The following HCRTR1 variants were observed in gnomAD, a reference collection of about 807,000 sequenced individuals.
HCRTR1 encodes the protein hypocretin receptor 1.
In HCRTR1, 28 loss-of-function variants were observed where a neutral mutation model predicts 40.6. The ratio of observed to expected loss-of-function variants is 0.69; its 90% confidence interval spans 0.51 to 0.95. The LOEUF (loss-of-function observed/expected upper bound fraction) is 0.95, where lower values mean the gene tolerates loss of function less well. Among genes scored for constraint, HCRTR1 ranks in the 40% least tolerant of loss-of-function variants. The pLI, the probability that HCRTR1 is intolerant of heterozygous loss-of-function variation, is 0.00. For missense variants in HCRTR1, 482 were observed against 564.7 expected (o/e 0.85, Z 1.48); for synonymous variants, 209 against 230.0 (o/e 0.91, Z 0.83).
At position 31,625,127 on chromosome 1, in the gene HCRTR1, G is replaced by C; in HGVS notation, c.1087+9G>C. 1 of 1,595,114 alleles carries C rather than the reference G, an allele frequency of 6.3e-7. No homozygotes were observed. The highest frequency in any genetic ancestry group is 8.6e-7 in the Non-Finnish European group (1 of 1,167,418). On this transcript the variant is annotated intron_variant, in intron 8 of 8. Coordinates refer to ENST00000403528, the MANE Select transcript of HCRTR1 (RefSeq NM_001525.3). This position sits in a 1 kb window ranked among gnomAD's most constrained non-coding sequence, Gnocchi z 4.2. The stretch of plus-strand genomic sequence containing the variant: ...CTACAACTTCCTCAGTGGTGAGCAG[G>C]CTGGGGATGCAAAATGACTGAGGGT...
At chr1:31,633,026 T>G, downstream of HCRTR1, 1 of 1,106,726 alleles carries the variant, frequency 9.0e-7, no homozygotes, top group South Asian at 1.7e-5. Flanking sequence ...ACCCTGAACC[T>G]AGCTTCCTCC....
Position 31,626,744 on chromosome 1 carries a change from G to C in HCRTR1, c.1088-46G>C. 2 of 1,528,212 alleles carry C rather than the reference G, an allele frequency of 1.3e-6. No individual in the cohort carries two copies. The highest frequency in any genetic ancestry group is 1.8e-6 in the Non-Finnish European group (2 of 1,128,020). The allele number at this position is 1,528,212 out of a possible 1,614,324, so 94.7% of individuals were successfully genotyped here. On this transcript the variant is annotated intron_variant, in intron 8 of 8. Transcript: ENST00000403528. This position sits in a 1 kb window ranked among gnomAD's most constrained non-coding sequence, Gnocchi z 4.6. ...GTCCCTGGGCTCAAGGCCCCTTCCTGCTGCATCTGTCTCCTTATGGCTGTG... is the reference window on the plus strand; with the variant it reads ...GTCCCTGGGCTCAAGGCCCCTTCCTCCTGCATCTGTCTCCTTATGGCTGTG...
Position 31,623,628 on chromosome 1 carries a change from G to A in HCRTR1, c.844G>A (p.Ala282Thr), listed in dbSNP as rs202201419. The change falls in exon 7 of 9, where the codon GCC becomes ACC. Residue 282 changes from alanine to threonine, a missense_variant. Coordinates refer to ENST00000403528, the MANE Select transcript of HCRTR1 (RefSeq NM_001525.3). ...TGGAGAGCCCCAGCCCCGGGCCCGC[G>A]CCTTCCTGGCTGAAGTGAAGCAGAT... ...LSGEPQPRAR[A>T]FLAEVKQMRA... 8 of 1,613,968 alleles carry A rather than the reference G, an allele frequency of 5.0e-6. No individual in the cohort carries two copies. Among genetic ancestry groups the A allele is most frequent in the South Asian group, 1.1e-5 (1 of 91,090 alleles).
chr1:31,633,343 C>T (rs749514982), downstream of HCRTR1: 1 of 1,585,838 alleles, frequency 6.3e-7, no homozygotes, highest in Non-Finnish European at 8.6e-7. Context: ...AGGCCATCAA[C>T]AGAAATGCCA....
At chr1:31,629,862 G>T (rs937769129), downstream of HCRTR1, 1 of 152,298 alleles carries the variant, frequency 6.6e-6, no homozygotes, top group Non-Finnish European at 1.5e-5. Flanking sequence ...GGAAAACATG[G>T]AACTCCAGAG....
intron 4 of HCRTR1, 54 bp from the exon 5 acceptor site, chr1:31,620,789 C>T: frequency 6.3e-7 from 1 of 1,583,552 alleles, no homozygotes; most frequent in Non-Finnish European, 8.6e-7. Flanking sequence ...CTCACCTACT[C>T]TCACATCGCT....
At chr1:31,630,760 A>G (rs1640075245), downstream of HCRTR1, 1 of 1,613,988 alleles carries the variant, frequency 6.2e-7, no homozygotes, top group Non-Finnish European at 8.5e-7. Flanking sequence ...GCTGCATGGC[A>G]GGATTGGCAG....
At chr1:31,633,268 C>A (rs770948880), downstream of HCRTR1, 33 of 1,613,980 alleles carry the variant, frequency 2.0e-5, no homozygotes, top group African/African-American at 4.4e-4. Context: ...AGTCCACCGA[C>A]TGGAACCAGG....
chr1:31,632,427 G>C, downstream of HCRTR1: 4 of 1,609,872 alleles, frequency 2.5e-6, no homozygotes, highest in Non-Finnish European at 3.4e-6. Flanking sequence ...CCCCTTTGTT[G>C]TATCTTAGGG....
At chr1:31,627,903 T>G (rs560210879), downstream of HCRTR1, among the ~76,000 whole-genome samples, 1 of 152,340 alleles carries the variant, frequency 6.6e-6, no homozygotes, top group African/African-American at 2.4e-5. Context: ...GGTGGGCAGA[T>G]AGCGGGTTAA....
In HCRTR1 at chr1:31,623,519, A is replaced by C; in HGVS notation, c.739-4A>C. ...CCACTGCTGTCTCTATGTGTGCTGG[A>C]CAGATCCCCGGCACCACCTCAGCAC... On this transcript the variant is annotated splice_polypyrimidine_tract_variant and splice_region_variant and intron_variant, in intron 6 of 8. Coordinates refer to ENST00000403528, the MANE Select transcript of HCRTR1 (RefSeq NM_001525.3). 3 of 1,610,498 alleles carry C rather than the reference A, an allele frequency of 1.9e-6. No homozygotes were observed. The highest frequency in any genetic ancestry group is 2.5e-6 in the Non-Finnish European group (3 of 1,178,642).
chr1:31,619,903 C>T (rs1231460986), intron 4 of HCRTR1, among the ~76,000 whole-genome samples, 193 bp downstream of exon 4: 1 of 152,218 alleles, frequency 6.6e-6, no homozygotes. Flanking sequence ...GACACAACCC[C>T]ACACACTCAC....
At chr1:31,632,542 T>C, downstream of HCRTR1, 2 of 1,614,210 alleles carry the variant, frequency 1.2e-6, no homozygotes, top group South Asian at 1.1e-5. Flanking sequence ...GTCCCGGTCA[T>C]ACTGCTGGAA....
At chr1:31,634,022 A>G (rs969798584), downstream of HCRTR1, among the ~76,000 whole-genome samples, 1 of 152,144 alleles carries the variant, frequency 6.6e-6, no homozygotes, top group Non-Finnish European at 1.5e-5. Context: ...CTACCTTAGG[A>G]CACTGAGTTA....
downstream of HCRTR1, chr1:31,632,634 C>T (rs1265113837): frequency 8.1e-6 from 13 of 1,613,814 alleles, no homozygotes; most frequent in Non-Finnish European, 1.1e-5. Flanking sequence ...TCTTGTCAAA[C>T]ATGTCTGAAG....
In HCRTR1 at chr1:31,626,068, T is replaced by C. The variant is rs1639970578; in HGVS notation, c.1088-722T>C. ...GCCTATGTTTACTGAGCACCTACTA[T>C]GTGCTTGACCCTGTGCTGGGCACCA... On this transcript the variant is annotated intron_variant, in intron 8 of 8. Transcript: ENST00000403528. The surrounding 1 kb of genome is among the most constrained non-coding windows in gnomAD (Gnocchi z 4.6). 6.6e-6 allele frequency among the ~76,000 whole-genome samples: 1 copy of C among 152,218 alleles called. No individual in the cohort carries two copies. The highest frequency in any genetic ancestry group is 1.9e-4 in the East Asian group (1 of 5,200).
In HCRTR1 at chr1:31,619,676, G is replaced by C. The variant is rs1272754440; in HGVS notation, c.344G>C (p.Gly115Ala). Residue 115 changes from glycine (G) to alanine (A), a missense_variant, in exon 4 of 9, where the codon GGC (glycine) becomes GCC (alanine). Physicochemically the swap from Gly to Ala is moderately conservative, Grantham distance 60 (BLOSUM62 0). Coordinates refer to ENST00000403528, the MANE Select transcript of HCRTR1 (RefSeq NM_001525.3). ...GACATCACTGAGTCCTGGCTGTTCG[G>C]CCATGCCCTCTGCAAGGTCATCCCC... ...LVDITESWLFGHALCKVIPYL... is the reference protein window; with the variant it reads ...LVDITESWLFAHALCKVIPYL... 6.2e-7 allele frequency: 1 copy of C among 1,611,262 alleles called. No individual in the cohort carries two copies. Among genetic ancestry groups the C allele is most frequent in the East Asian group, 2.2e-5 (1 of 44,864 alleles).
At chr1:31,624,895 A>G in intron 7 of HCRTR1, 102 bp from the exon 8 acceptor site, 2 of 1,279,202 alleles carry the variant, frequency 1.6e-6, no homozygotes, top group Non-Finnish European at 2.1e-6. Flanking sequence ...AGTGGGCAGT[A>G]GGAACTCTTG....
At chr1:31,623,454 C>T (rs1639903150) in intron 6 of HCRTR1, 69 bp from the exon 7 acceptor site, 2 of 1,378,152 alleles carry the variant, frequency 1.5e-6, no homozygotes, top group Non-Finnish European at 9.9e-7. Context: ...CTGGAGTAGG[C>T]CCCACAAAAG....
Sources: gnomAD v4.1 joint callset for allele counts (sites outside exome capture counted in the v4.1 genomes callset) on GRCh38, gnomAD v4.1.1 for gene constraint, Gnocchi (gnomAD v3.1) non-coding constraint, MANE v1.5 for transcripts, NCBI Gene and HGNC (gene_info 2026-07-23, HGNC 2026-07-21) for gene names.